Variants in EIF2B3 observed in about 807,000 individuals in gnomAD.
EIF2B3 encodes the protein eukaryotic translation initiation factor 2B subunit gamma.
Under a neutral mutation model 54.1 loss-of-function variants are expected in EIF2B3, and 20 were observed. The ratio of observed to expected loss-of-function variants is 0.37; its 90% CI spans 0.26 to 0.54. EIF2B3 has a LOEUF of 0.54. Among genes scored for constraint, EIF2B3 ranks in the 20% least tolerant of loss-of-function variants. The pLI is 0.86. For missense variants in EIF2B3, 448 were observed against 547.8 expected (o/e 0.82, Z 1.82); for synonymous variants, 153 against 188.1 (o/e 0.81, Z 1.52).
At chr1:44,936,642 CTA>C (rs1325276733) in intron 4 of EIF2B3, among the ~76,000 whole-genome samples, 1 of 152,050 alleles carries the variant, frequency 6.6e-6, no homozygotes, top group Non-Finnish European at 1.5e-5. Context: ...ACATTTGTCA[CTA>C]TGAGTTTCCC....
chr1:44,936,233 A>G (rs1273606440), intron 4 of EIF2B3, among the ~76,000 whole-genome samples: 1 of 151,962 alleles, frequency 6.6e-6, no homozygotes, highest in Non-Finnish European at 1.5e-5. Flanking sequence ...TTTTTTCAAA[A>G]GTTGGTACAT....
intron 3 of EIF2B3, among the ~76,000 whole-genome samples, chr1:44,942,216 G>T (rs1028922362): frequency 6.6e-6 from 1 of 150,376 alleles, no homozygotes; most frequent in East Asian, 2.0e-4. Context: ...TGACAGAAAG[G>T]CATTGTTATT....
At chr1:44,878,542 C>T (rs575309946) in intron 8 of EIF2B3, among the ~76,000 whole-genome samples, 2 of 152,076 alleles carry the variant, frequency 1.3e-5, no homozygotes, top group South Asian at 2.1e-4. Context: ...GGATTACAGG[C>T]GTGAGCCACT....
Position 44,930,459 on chromosome 1 carries a change from G to A in EIF2B3, c.455-3720C>T, listed in dbSNP as rs7541463. ...ATAACTAGCTTTGAACTAACAGAGCGCAGCAGCTGAAGTGACAGTGTGTGT... is the reference window on the plus strand; with the variant it reads ...ATAACTAGCTTTGAACTAACAGAGCACAGCAGCTGAAGTGACAGTGTGTGT... On this transcript the variant is annotated intron_variant, in intron 4 of 11. Transcript: ENST00000360403. Among the ~76,000 whole-genome samples, 1,244 of 152,202 alleles carry A rather than the reference G, an allele frequency of 8.2e-3. 11 individuals are homozygous for A. Among genetic ancestry groups the A allele is most frequent in the African/African-American group, 0.023 (943 of 41,536 alleles).
chr1:44,942,377 TTATATATATATATATATATATATA>T (rs1170326455), intron 3 of EIF2B3, among the ~76,000 whole-genome samples: 1 of 21,586 alleles, frequency 4.6e-5, no homozygotes, highest in Non-Finnish European at 7.1e-5. Flanking sequence ...CTTTCTGATT[TTATATATATATATATATATATATA>T]TATATATATA....
intron 4 of EIF2B3, among the ~76,000 whole-genome samples, chr1:44,929,175 T>G (rs1643876932): frequency 6.6e-6 from 1 of 152,204 alleles, no homozygotes; most frequent in Admixed American, 6.5e-5. Flanking sequence ...AACAACCACA[T>G]AAAGCAATGC....
intron 4 of EIF2B3, 46 bp from the exon 5 acceptor site, chr1:44,926,785 C>T: frequency 6.6e-7 from 1 of 1,507,182 alleles, no homozygotes; most frequent in Non-Finnish European, 9.2e-7. Flanking sequence ...GCCATTTGCC[C>T]TGCCTGTATG....
chr1:44,924,396 G>A (rs544624476), intron 5 of EIF2B3, among the ~76,000 whole-genome samples: 1 of 148,898 alleles, frequency 6.7e-6, no homozygotes, highest in African/African-American at 2.6e-5. Flanking sequence ...TCCTTTTTTT[G>A]TTTGTTTGTT....
chr1:44,916,458 G>A (rs1029635795), intron 5 of EIF2B3, among the ~76,000 whole-genome samples: 1 of 150,378 alleles, frequency 6.6e-6, no homozygotes, highest in Non-Finnish European at 1.5e-5. Flanking sequence ...AAACTCCAGG[G>A]CTCAAGTGAT....
At chr1:44,945,075 T>C (rs1241517067) in intron 3 of EIF2B3, among the ~76,000 whole-genome samples, 1 of 152,160 alleles carries the variant, frequency 6.6e-6, no homozygotes, top group African/African-American at 2.4e-5. Context: ...GCCTGAAATT[T>C]CTTATTCTGA....
intron 6 of EIF2B3, among the ~76,000 whole-genome samples, chr1:44,884,525 A>C (rs1655515054): frequency 6.6e-6 from 1 of 152,208 alleles, no homozygotes; most frequent in African/African-American, 2.4e-5. Context: ...ATTTTGAAAA[A>C]TTCTGTGTTA....
chr1:44,875,770 T>G lies in EIF2B3; in HGVS notation c.976-75A>C, dbSNP rs1569582748. 2.6e-6 allele frequency: 3 copies of G among 1,146,196 alleles called. No individual in the cohort carries two copies. The East Asian group carries it at 7.1e-5, about 27-fold the overall frequency. 71.0% of individuals were successfully genotyped at this position (1,146,196 alleles called of 1,614,324 possible). On this transcript the variant is annotated intron_variant, in intron 8 of 11. Transcript: ENST00000360403. ...CTCTCCCTCTCCCTCTCCCTCTACC[T>G]CTCCCACTCCCCCTCCCCACGGTCT...
At chr1:44,939,115 A>AAAAAAAAAAAAAAAAAAAAAAG in intron 4 of EIF2B3, among the ~76,000 whole-genome samples, 1 of 151,354 alleles carries the variant, frequency 6.6e-6, no homozygotes, top group Non-Finnish European at 1.5e-5. Flanking sequence ...AAAAAAAAAA[A>AAAAAAAAAAAAAAAAAAAAAAG]AAAAAAAAAA....
At chr1:44,851,426 A>G (rs574873589) in intron 11 of EIF2B3, among the ~76,000 whole-genome samples, 1 of 152,160 alleles carries the variant, frequency 6.6e-6, no homozygotes, top group Admixed American at 6.5e-5. Flanking sequence ...TGTGGCTGTG[A>G]TCTTGAGAAG....
intron 8 of EIF2B3, 49 bp from the exon 9 acceptor site, chr1:44,875,744 G>GCTCTCC (rs370371044): frequency 8.8e-6 from 13 of 1,475,624 alleles, no homozygotes; most frequent in African/African-American, 2.8e-5. Context: ...ACCTTAGGTA[G>GCTCTCC]CTCTCCCTCT....
intron 5 of EIF2B3, among the ~76,000 whole-genome samples, chr1:44,905,687 C>A (rs1258463328): frequency 1.3e-5 from 2 of 152,098 alleles, no homozygotes; most frequent in Non-Finnish European, 2.9e-5. Flanking sequence ...GAGGCCCACC[C>A]AGATTAGCCA....
intron 8 of EIF2B3, among the ~76,000 whole-genome samples, chr1:44,877,215 A>AAAC: frequency 6.7e-6 from 1 of 148,440 alleles, no homozygotes; most frequent in Admixed American, 6.7e-5. Context: ...AAAAAAAAAA[A>AAAC]AAAAAAACAC....
intron 3 of EIF2B3, chr1:44,972,656 ACT>A (rs1491005659): frequency 2.0e-5 from 3 of 149,998 alleles, no homozygotes; most frequent in Non-Finnish European, 4.4e-5. Context: ...ACACACACAC[ACT>A]GATTTTAATT....
chr1:44,877,005 G>A (rs546639243), intron 8 of EIF2B3, among the ~76,000 whole-genome samples: 12 of 149,336 alleles, frequency 8.0e-5, no homozygotes, highest in South Asian at 2.1e-4. Flanking sequence ...CAGCATGCTC[G>A]TTAAGAGTCA....
Sources: gnomAD v4.1 joint callset for allele counts (sites outside exome capture counted in the v4.1 genomes callset) on GRCh38, gnomAD v4.1.1 for gene constraint, MANE v1.5 for transcripts, NCBI Gene and HGNC (gene_info 2026-07-23, HGNC 2026-07-21) for gene names.